Variants in TRPM3 observed in about 807,000 individuals in gnomAD.
TRPM3 encodes transient receptor potential cation channel subfamily M member 3, also known as long transient receptor potential channel 3.
A neutral mutation model predicts 181.2 loss-of-function variants in TRPM3; 77 were observed. The ratio of observed to expected loss-of-function variants is 0.42; its 90% CI spans 0.35 to 0.51. The LOEUF (loss-of-function observed/expected upper bound fraction) is 0.51. Ranked by LOEUF, TRPM3 falls within the 20% of genes least tolerant of loss-of-function variation. The pLI is 0.01. For synonymous variants in TRPM3, 745 were observed against 796.4 expected (o/e 0.94, Z 1.09); for missense variants, 1,759 against 2,196.7 (o/e 0.80, Z 3.98).
intron 1 of TRPM3, among the ~76,000 whole-genome samples, chr9:70,967,465 T>C (rs537687708): frequency 1.3e-5 from 2 of 152,190 alleles, no homozygotes; most frequent in African/African-American, 2.4e-5. Context: ...GTTAGATACA[T>C]TTTCTGATCC....
At chr9:71,197,037 G>A (rs2078423208) in intron 1 of TRPM3, among the ~76,000 whole-genome samples, 1 of 151,346 alleles carries the variant, frequency 6.6e-6, no homozygotes, top group Non-Finnish European at 1.5e-5. Context: ...CACCCCACAA[G>A]AGTCCCCAGA....
chr9:71,106,366 G>A (rs2069568507), intron 1 of TRPM3, among the ~76,000 whole-genome samples: 1 of 152,078 alleles, frequency 6.6e-6, no homozygotes, highest in Non-Finnish European at 1.5e-5. Context: ...GAATGGCTTG[G>A]TGCCCTCCCC....
rs533830311 is a variant in TRPM3 at position 71,082,811 on chromosome 9, TAGAG to T, written c.177+38363_177+38366del. Among the ~76,000 whole-genome samples, 140 of 152,214 alleles carry T rather than the reference TAGAG, an allele frequency of 9.2e-4. 1 individual carries two copies. Among genetic ancestry groups the T allele is most frequent in the African/African-American group, 3.2e-3 (131 of 41,556 alleles). The stretch of plus-strand genomic sequence containing the variant: ...ACCAGGAACAGTGCTTCTGTGGTGA[TAGAG>T]ACACACCACAAGGAGAATCATGTAA... On this transcript the variant is annotated intron_variant, in intron 1 of 25. Transcript: ENST00000677713.
chr9:71,008,170 G>T (rs1039069486), intron 1 of TRPM3, among the ~76,000 whole-genome samples: 1 of 151,850 alleles, frequency 6.6e-6, no homozygotes, highest in Non-Finnish European at 1.5e-5. Flanking sequence ...AAATCCAAAA[G>T]AAACTTATGA....
intron 22 of TRPM3, among the ~76,000 whole-genome samples, chr9:70,564,606 C>T (rs866322147): frequency 6.6e-6 from 1 of 152,152 alleles, no homozygotes. Flanking sequence ...TCAAGAGGGG[C>T]CTTCTTAGGA....
chr9:71,021,722 G>A (rs1019755519), intron 1 of TRPM3, among the ~76,000 whole-genome samples: 1 of 152,146 alleles, frequency 6.6e-6, no homozygotes, highest in Non-Finnish European at 1.5e-5. Context: ...ACAAAGTCGG[G>A]AGATCAAGAG....
chr9:71,215,452 G>A (rs2079807080), intron 1 of TRPM3, among the ~76,000 whole-genome samples: 1 of 152,194 alleles, frequency 6.6e-6, no homozygotes, highest in Non-Finnish European at 1.5e-5. Context: ...AGGATTACAA[G>A]TTTAATTTTA....
At chr9:70,850,820 G>A (rs1305454491) in intron 3 of TRPM3, among the ~76,000 whole-genome samples, 2 of 152,140 alleles carry the variant, frequency 1.3e-5, no homozygotes, top group African/African-American at 4.8e-5. Flanking sequence ...TTTAGTGTGA[G>A]ACATGTTAAG....
chr9:71,354,693 G>A (rs558162919), intron 1 of TRPM3, among the ~76,000 whole-genome samples: 42 of 152,220 alleles, frequency 2.8e-4, no homozygotes, highest in African/African-American at 8.9e-4. Context: ...CCCTGCCACC[G>A]AAATGTCTTA....
At chr9:70,588,145 C>T (rs1269967000) in intron 22 of TRPM3, among the ~76,000 whole-genome samples, 1 of 152,186 alleles carries the variant, frequency 6.6e-6, no homozygotes, top group Non-Finnish European at 1.5e-5. Flanking sequence ...ATTTTCTTTC[C>T]TTTGGGTTTA....
Position 71,290,201 on chromosome 9 carries a change from C to T in TRPM3, c.183+156452G>A, listed in dbSNP as rs574979774. On this transcript the variant is annotated intron_variant, in intron 1 of 24. Transcript: ENST00000357533. ...GGTGATACGTGAAAAGGTAATGTGACGCACTCTTTTTCAGAACTGATAAGA... is the reference window on the plus strand; with the variant it reads ...GGTGATACGTGAAAAGGTAATGTGATGCACTCTTTTTCAGAACTGATAAGA... Among the ~76,000 whole-genome samples the T allele has an allele frequency of 1.3e-4, 20 of 152,010 alleles. 1 individual carries two copies. The highest frequency in any genetic ancestry group is 6.2e-4 in the South Asian group (3 of 4,816).
intron 1 of TRPM3, among the ~76,000 whole-genome samples, chr9:71,391,972 G>C (rs1328271357): frequency 6.6e-6 from 1 of 152,046 alleles, no homozygotes; most frequent in African/African-American, 2.4e-5. Flanking sequence ...TTTAAAGATA[G>C]AAGTTATTTC....
chr9:70,745,320 C>T (rs557509381), intron 8 of TRPM3, among the ~76,000 whole-genome samples: 1 of 152,004 alleles, frequency 6.6e-6, no homozygotes, highest in Admixed American at 6.6e-5. Flanking sequence ...ACTGCATCAA[C>T]CTTATTTCTA....
intron 1 of TRPM3, among the ~76,000 whole-genome samples, chr9:70,936,080 G>C (rs1321602272): frequency 6.6e-6 from 1 of 152,228 alleles, no homozygotes; most frequent in African/African-American, 2.4e-5. Flanking sequence ...ACCTAGGAGA[G>C]AGAGCATTCT....
At chr9:71,343,165 T>C (rs564875826) in intron 1 of TRPM3, among the ~76,000 whole-genome samples, 1 of 152,040 alleles carries the variant, frequency 6.6e-6, no homozygotes, top group Non-Finnish European at 1.5e-5. Context: ...GTATATTTTT[T>C]AAGTATAATT....
chr9:70,572,537 C>T (rs2052720168), intron 22 of TRPM3, among the ~76,000 whole-genome samples: 3 of 152,136 alleles, frequency 2.0e-5, no homozygotes, highest in Admixed American at 1.3e-4. Flanking sequence ...GACAGTTCTA[C>T]AGTCTCTCAT....
chr9:71,198,304 G>A (rs1330655326), intron 1 of TRPM3, among the ~76,000 whole-genome samples: 8 of 151,854 alleles, frequency 5.3e-5, no homozygotes, highest in Non-Finnish European at 7.4e-5. Flanking sequence ...GTCAGGTAGT[G>A]TGATGCCTCC....
intron 1 of TRPM3, among the ~76,000 whole-genome samples, chr9:71,320,012 C>T (rs533047496): frequency 1.3e-5 from 2 of 152,202 alleles, no homozygotes; most frequent in East Asian, 1.9e-4. Flanking sequence ...GTTAAAAATA[C>T]CACTTCCAAA....
Position 70,639,125 on chromosome 9 carries a change from T to A in TRPM3, c.1516A>T (p.Ile506Leu), listed in dbSNP as rs2057672305. 1 of 1,613,888 alleles carries A rather than the reference T, an allele frequency of 6.2e-7. No homozygotes were observed. Among genetic ancestry groups the A allele is most frequent in the African/African-American group, 1.3e-5 (1 of 74,924 alleles). ...CGGTGCATGCTTACTCCATTCTCTA[T>A]GAGTAATTTCACAAAATCCACTCTG... ...LDRVDFVKLL[I>L]ENGVSMHRFL... The change falls in exon 11 of 26, where the codon ATA (isoleucine) becomes TTA (leucine). Residue 506 changes from isoleucine to leucine, a missense_variant. Coordinates refer to ENST00000677713, the MANE Select transcript of TRPM3 (RefSeq NM_001366145.2).
Sources: allele counts gnomAD v4.1 joint callset (sites outside exome capture counted in the v4.1 genomes callset), GRCh38; gene constraint gnomAD v4.1.1; transcripts MANE v1.5; gene names NCBI Gene and HGNC (gene_info 2026-07-23, HGNC 2026-07-21).